CASD1: variants seen among roughly 807,000 people sequenced by gnomAD.
The protein encoded by CASD1 is CAS1 domain sialic acid O acetyltransferase 1.
CASD1 carries 41 observed loss-of-function variants against 100.0 expected under a neutral mutation model. That is an observed-to-expected ratio of 0.41 (90% CI 0.32 to 0.53). The LOEUF is 0.53. Among genes scored for constraint, CASD1 ranks in the 20% least tolerant of loss-of-function variants. CASD1 has a pLI of 0.25. For synonymous variants in CASD1, 321 were observed against 315.6 expected (o/e 1.02, Z -0.18); for missense variants, 774 against 948.7 (o/e 0.82, Z 2.42).
intron 7 of CASD1, among the ~76,000 whole-genome samples, chr7:94,534,350 T>C (rs1434816864): frequency 3.9e-5 from 6 of 151,906 alleles, no homozygotes; most frequent in Admixed American, 1.3e-4. Flanking sequence ...GTATGTTTGA[T>C]AGAGACAGGG....
the CASD1 span, among the ~76,000 whole-genome samples, chr7:94,582,884 C>T: frequency 6.6e-6 from 1 of 152,336 alleles, no homozygotes; most frequent in African/African-American, 2.4e-5. Flanking sequence ...CCTTAGAACA[C>T]TCTCTGACTT....
chr7:94,550,827 A>G (rs967574522), intron 14 of CASD1, among the ~76,000 whole-genome samples: 2 of 152,148 alleles, frequency 1.3e-5, no homozygotes, highest in South Asian at 4.1e-4. Context: ...GTCTATTGCA[A>G]TGATAGTTCA....
chr7:94,520,444 T>C (rs1794203692), intron 3 of CASD1, among the ~76,000 whole-genome samples: 1 of 152,232 alleles, frequency 6.6e-6, no homozygotes, highest in Admixed American at 6.5e-5. Context: ...AATTATGCTT[T>C]GTGGGAGACT....
rs117195540 is a variant in CASD1 at position 94,545,407 on chromosome 7, G to A, written c.1477-138G>A. On this transcript the variant is annotated intron_variant, in intron 11 of 17. Transcript: ENST00000297273. ...AAAACAAATGTAATTTAAGGGATTA[G>A]TAATATATACTTGTACAGTCATTAT... 9 of 540,398 alleles carry A rather than the reference G, an allele frequency of 1.7e-5. No individual in the cohort carries two copies. The Admixed American group carries it at 2.6e-4, about 15-fold the overall frequency. 33.5% of individuals were successfully genotyped at this position (540,398 alleles called of 1,614,324 possible).
At chr7:94,610,407 C>G in the CASD1 span, among the ~76,000 whole-genome samples, 1 of 152,072 alleles carries the variant, frequency 6.6e-6, no homozygotes, top group African/African-American at 2.4e-5. Flanking sequence ...AACAAATATA[C>G]CACTCTGGTG....
At chr7:94,564,707 A>T in the CASD1 span, among the ~76,000 whole-genome samples, 1 of 152,058 alleles carries the variant, frequency 6.6e-6, no homozygotes, top group Admixed American at 6.6e-5. Context: ...GCGTGCGCCC[A>T]CTCTGAAGGC....
chr7:94,531,498 T>TC, intron 5 of CASD1, among the ~76,000 whole-genome samples: 1 of 152,192 alleles, frequency 6.6e-6, no homozygotes, highest in Non-Finnish European at 1.5e-5. Flanking sequence ...GTATATGGAA[T>TC]GTAAGGTTTG....
chr7:94,514,323 C>T (rs1189362618), intron 1 of CASD1, among the ~76,000 whole-genome samples: 7 of 152,030 alleles, frequency 4.6e-5, no homozygotes, highest in Admixed American at 2.6e-4. Context: ...GCTTGTCTAA[C>T]GATAAATCTT....
chr7:94,513,294 A>G (rs1415902843), intron 1 of CASD1, among the ~76,000 whole-genome samples: 1 of 151,932 alleles, frequency 6.6e-6, no homozygotes, highest in Non-Finnish European at 1.5e-5. Context: ...TCCCAAAAAA[A>G]AAAAAAAAAA....
intron 4 of CASD1, 41 bp from the exon 5 acceptor site, chr7:94,528,147 T>C: frequency 7.4e-7 from 1 of 1,349,650 alleles, no homozygotes. Flanking sequence ...GAATTAAGAG[T>C]TTCTTCAACT....
At chr7:94,526,893 A>T (rs1794596839) in intron 3 of CASD1, among the ~76,000 whole-genome samples, 1 of 152,218 alleles carries the variant, frequency 6.6e-6, no homozygotes, top group South Asian at 2.1e-4. Flanking sequence ...AGACATGTTT[A>T]TGTATCTCCT....
At chr7:94,566,108 GA>G in the CASD1 span, among the ~76,000 whole-genome samples, 1 of 152,134 alleles carries the variant, frequency 6.6e-6, no homozygotes, top group Non-Finnish European at 1.5e-5. Context: ...TTTTTGAAGG[GA>G]GAGCTGAGCA....
At position 94,551,389 on chromosome 7, in the gene CASD1, C is replaced by T. The variant is rs1050292284; in HGVS notation, c.1867C>T (p.Arg623Cys). 9 of 1,553,554 alleles carry T rather than the reference C, an allele frequency of 5.8e-6. No homozygotes were observed. Among genetic ancestry groups the T allele is most frequent in the East Asian group, 4.9e-5 (2 of 40,982 alleles). Residue 623 changes from arginine to cysteine, a missense_variant, in exon 15 of 18, where the codon CGT becomes TGT. Arg to Cys is a radical substitution (Grantham distance 180). Around this residue, in one of 5 missense-constraint regions of CASD1, gnomAD observed 175 missense variants for 206.9 expected, o/e 0.85. Coordinates refer to ENST00000297273, the MANE Select transcript of CASD1 (RefSeq NM_022900.5). ...FAFIYLALQK[R>C]QILSEGKGEP... ...TTTTATTTATCTGGCTTTGCAGAAG[C>T]GTCAAATACTTTCTGAAGGAAAGGG...
At chr7:94,614,049 C>A in the CASD1 span, among the ~76,000 whole-genome samples, 5 of 146,516 alleles carry the variant, frequency 3.4e-5, no homozygotes, top group Admixed American at 7.0e-5. Flanking sequence ...ACTAATAATT[C>A]TCTTGCAAGC....
At chr7:94,558,729 G>A (rs1044186848), downstream of CASD1, among the ~76,000 whole-genome samples, 50 of 151,988 alleles carry the variant, frequency 3.3e-4, no homozygotes, top group African/African-American at 9.2e-4. Flanking sequence ...GGAAGTGGTC[G>A]TCCAAACTAT....
chr7:94,525,397 T>C (rs936607441), intron 3 of CASD1, among the ~76,000 whole-genome samples: 6 of 152,168 alleles, frequency 3.9e-5, no homozygotes, highest in African/African-American at 1.2e-4. Context: ...GGACTTAAGA[T>C]AGGGAAAGGA....
chr7:94,599,667 GA>G, the CASD1 span: 2 of 1,601,282 alleles, frequency 1.2e-6, no homozygotes, highest in Non-Finnish European at 1.7e-6. Context: ...AAAAAATGAT[GA>G]AGAAAATAAC....
intron 9 of CASD1, among the ~76,000 whole-genome samples, chr7:94,538,184 T>C (rs2116339914): frequency 6.6e-6 from 1 of 152,314 alleles, no homozygotes; most frequent in East Asian, 1.9e-4. Context: ...ACAGAGAATG[T>C]TGAAGTACTT....
the CASD1 span, among the ~76,000 whole-genome samples, chr7:94,583,640 G>A: frequency 1.3e-5 from 2 of 152,154 alleles, no homozygotes; most frequent in East Asian, 1.9e-4. Flanking sequence ...AACTTTTAGG[G>A]GATATTTGGA....
Sources: allele counts gnomAD v4.1 joint callset (sites outside exome capture counted in the v4.1 genomes callset), GRCh38; gene constraint gnomAD v4.1.1; regional missense constraint gnomAD v4.1.1; transcripts MANE v1.5; gene names NCBI Gene and HGNC (gene_info 2026-07-23, HGNC 2026-07-21).